The following ITPKB variants were observed in gnomAD, a reference collection of about 807,000 sequenced individuals.
ITPKB encodes inositol-trisphosphate 3-kinase B, also known as IP3 3-kinase B.
A neutral mutation model predicts 69.4 loss-of-function variants in ITPKB; 13 were observed. That is an observed-to-expected ratio of 0.19 (90% CI 0.12 to 0.30). ITPKB has a LOEUF of 0.30. Ranked by LOEUF, ITPKB falls within the 10% of genes least tolerant of loss-of-function variation. The probability of loss-of-function intolerance (pLI) is 1.00; values close to 1 mark genes in which losing one functional copy is unlikely to be tolerated. For missense variants in ITPKB, 1,240 were observed against 1,250.5 expected, an observed-to-expected ratio of 0.99 and a Z score of 0.13; for synonymous variants, 584 against 513.7, an observed-to-expected ratio of 1.14 and a Z score of -1.85.
intron 2 of ITPKB, among the ~76,000 whole-genome samples, chr1:226,700,961 G>A (rs143594261): frequency 1.1e-4 from 16 of 152,304 alleles, no homozygotes; most frequent in Non-Finnish European, 2.1e-4. Flanking sequence ...GTTAGATTAC[G>A]TAGAGCACTA....
chr1:226,660,827 C>A (rs1343329459), intron 2 of ITPKB, among the ~76,000 whole-genome samples: 2 of 152,226 alleles, frequency 1.3e-5, no homozygotes, highest in African/African-American at 2.4e-5. Context: ...ATGGATAAAG[C>A]CCAGAGGACA....
intron 2 of ITPKB, among the ~76,000 whole-genome samples, chr1:226,694,738 G>A (rs1045839328): frequency 4.3e-4 from 65 of 152,288 alleles, no homozygotes; most frequent in African/African-American, 1.5e-3. Context: ...TATGTGCCAG[G>A]AGCAGTACCA....
chr1:226,736,522 T>G lies in ITPKB; in HGVS notation c.937A>C (p.Thr313Pro). ...AGATCCTGTGGACGGTGTGGCCCAG[T>G]GGATGTAACTCTCGCTGCCACTTCC... Reference protein sequence around the residue: ...ATEVAARVTSTGPHRPQDLAL... With the variant: ...ATEVAARVTSPGPHRPQDLAL... The change falls in exon 2 of 8, where the codon ACT becomes CCT. Residue 313 changes from threonine to proline, a missense_variant. Coordinates refer to ENST00000429204, the MANE Select transcript of ITPKB (RefSeq NM_002221.4). The G allele has an allele frequency of 6.2e-7, 1 of 1,613,908 alleles. No homozygotes were observed. Among genetic ancestry groups the G allele is most frequent in the Non-Finnish European group, 8.5e-7 (1 of 1,180,022 alleles).
At chr1:226,719,537 G>A (rs549337651) in intron 2 of ITPKB, among the ~76,000 whole-genome samples, 1 of 152,300 alleles carries the variant, frequency 6.6e-6, no homozygotes, top group South Asian at 2.1e-4. Context: ...GGCATTCTGT[G>A]TCCTGGCCCC....
In ITPKB at chr1:226,736,431, A is replaced by C; in HGVS notation, c.1028T>G (p.Val343Gly). ...LEDLQPPEAL[V>G]ERQGQFLGSE... Reference sequence around the variant, plus strand: ...GCCCAGAAACTGCCCCTGCCTCTCCACCAGGGCCTCTGGGGGCTGCAGGTC... The same window carrying C: ...GCCCAGAAACTGCCCCTGCCTCTCCCCCAGGGCCTCTGGGGGCTGCAGGTC... Residue 343 changes from valine (V) to glycine (G), a missense_variant, in exon 2 of 8, where the codon GTG becomes GGG. Physicochemically the swap from Val to Gly is moderately radical, Grantham distance 109. Around this residue, in one of 2 missense-constraint regions of ITPKB, gnomAD observed 992 missense variants for 853.8 expected, o/e 1.16. Coordinates refer to ENST00000429204, the MANE Select transcript of ITPKB (RefSeq NM_002221.4). The C allele has an allele frequency of 6.2e-7, 1 of 1,612,938 alleles. No individual in the cohort carries two copies. Among genetic ancestry groups the C allele is most frequent in the Non-Finnish European group, 8.5e-7 (1 of 1,179,914 alleles).
intron 2 of ITPKB, among the ~76,000 whole-genome samples, chr1:226,677,977 T>C (rs529710103): frequency 2.8e-4 from 42 of 152,244 alleles, no homozygotes; most frequent in Non-Finnish European, 2.5e-4. Flanking sequence ...TCGCGTGCAT[T>C]ATTTAACGTG....
chr1:226,711,434 AGAGAGAGAGTGTGT>A (rs756943355), intron 2 of ITPKB, among the ~76,000 whole-genome samples: 59 of 130,870 alleles, frequency 4.5e-4, no homozygotes, highest in Non-Finnish European at 9.1e-4. Context: ...AGAGAGAGAG[AGAGAGAGAGTGTGT>A]GTGTGTGTGT....
At chr1:226,724,688 C>T (rs1192619790) in intron 2 of ITPKB, among the ~76,000 whole-genome samples, 1 of 152,142 alleles carries the variant, frequency 6.6e-6, no homozygotes, top group Non-Finnish European at 1.5e-5. Flanking sequence ...AGGGTTCTTC[C>T]CCTCCCCCTA....
chr1:226,717,601 A>G (rs918823661), intron 2 of ITPKB, among the ~76,000 whole-genome samples: 2 of 152,156 alleles, frequency 1.3e-5, no homozygotes, highest in Non-Finnish European at 2.9e-5. Flanking sequence ...TTTTATTTCC[A>G]GGCCCCAACA....
intron 2 of ITPKB, among the ~76,000 whole-genome samples, chr1:226,723,460 G>T (rs1432198875): frequency 6.6e-6 from 1 of 152,144 alleles, no homozygotes; most frequent in Non-Finnish European, 1.5e-5. Flanking sequence ...GGCACCAGAT[G>T]CGGCACAGAG....
intron 2 of ITPKB, among the ~76,000 whole-genome samples, chr1:226,713,220 C>T (rs566185308): frequency 1.8e-4 from 27 of 152,272 alleles, no homozygotes; most frequent in South Asian, 6.2e-4. Flanking sequence ...CCCCCGCCCC[C>T]GGTTCCCAGA....
intron 6 of ITPKB, 128 bp downstream of exon 6, chr1:226,639,429 C>G (rs1347073652): frequency 1.0e-5 from 7 of 688,952 alleles, no homozygotes; most frequent in Non-Finnish European, 1.8e-5. Flanking sequence ...CTACAGAGCC[C>G]TACGAACTCG....
chr1:226,723,328 A>AG (rs1295708659), intron 2 of ITPKB, among the ~76,000 whole-genome samples: 3 of 152,302 alleles, frequency 2.0e-5, no homozygotes, highest in East Asian at 3.9e-4. Context: ...CAGAGACCCC[A>AG]GAGCCACCTG....
At position 226,641,951 on chromosome 1, in the gene ITPKB, G is replaced by A; in HGVS notation, c.2421C>T (p.Ala807=). The A allele has an allele frequency of 1.2e-6, 2 of 1,614,068 alleles. No individual in the cohort carries two copies. The highest frequency in any genetic ancestry group is 8.5e-7 in the Non-Finnish European group (1 of 1,179,994). The stretch of plus-strand genomic sequence containing the variant: ...TTCCCTCGATCCTGAACCCCAGGGT[G>A]GCCGTGGAGCTGATGGTCTCCCGCC... The part of the protein sequence containing the change: ...MQWRETISST[A]TLGFRIEGIK... Residue 807 remains alanine, a synonymous_variant, in exon 5 of 8, where the codon GCC becomes GCT. Coordinates refer to ENST00000429204, the MANE Select transcript of ITPKB (RefSeq NM_002221.4). The surrounding 1 kb of genome is among the most constrained non-coding windows in gnomAD (Gnocchi z 4.6).
At chr1:226,711,442 A>AGAGAGAGTGT (rs1491474441) in intron 2 of ITPKB, among the ~76,000 whole-genome samples, 9 of 102,354 alleles carry the variant, frequency 8.8e-5, no homozygotes, top group African/African-American at 3.7e-4. Flanking sequence ...AGAGAGAGAG[A>AGAGAGAGTGT]GTGTGTGTGT....
At chr1:226,726,850 T>TA (rs1371794060) in intron 2 of ITPKB, among the ~76,000 whole-genome samples, 1 of 152,210 alleles carries the variant, frequency 6.6e-6, no homozygotes, top group African/African-American at 2.4e-5. Flanking sequence ...CTGTAACACA[T>TA]AGCAAAACCA....
intron 2 of ITPKB, among the ~76,000 whole-genome samples, chr1:226,723,533 C>T (rs1483162032): frequency 2.0e-5 from 3 of 151,976 alleles, no homozygotes; most frequent in South Asian, 2.1e-4. Flanking sequence ...AAAGCCACAC[C>T]GATACAGAGT....
chr1:226,639,062 T>TC (rs930181719), intron 6 of ITPKB, among the ~76,000 whole-genome samples: 31 of 145,782 alleles, frequency 2.1e-4, no homozygotes, highest in Non-Finnish European at 3.1e-4. Context: ...GACTTTTTTT[T>TC]TTTTTTTTTT....
chr1:226,639,671 ACACCCCACCC>A lies in ITPKB; in HGVS notation c.2452-23_2452-14del, dbSNP rs1167680991. ...TGCCGTCTTCTTTCTGAGAAAGAGA[ACACCCCACCC>A]AGGAGGGGGTCAGCAGGGACCCTCG... On this transcript the variant is annotated splice_polypyrimidine_tract_variant and intron_variant, in intron 5 of 7. Coordinates refer to ENST00000429204, the MANE Select transcript of ITPKB (RefSeq NM_002221.4). 6.3e-7 allele frequency: 1 copy of A among 1,585,808 alleles called. No homozygotes were observed. Among genetic ancestry groups the A allele is most frequent in the Non-Finnish European group, 8.7e-7 (1 of 1,154,244 alleles).
Sources: gnomAD v4.1 joint callset for allele counts (sites outside exome capture counted in the v4.1 genomes callset) on GRCh38, gnomAD v4.1.1 for gene constraint, gnomAD v4.1.1 regional missense constraint, Gnocchi (gnomAD v3.1) non-coding constraint, MANE v1.5 for transcripts, NCBI Gene and HGNC (gene_info 2026-07-23, HGNC 2026-07-21) for gene names.